The following INTS9 variants were observed in gnomAD, a reference collection of about 807,000 sequenced individuals.
INTS9 encodes integrator complex subunit 9, also known as protein related to CPSF subunits of 74 kDa.
INTS9 carries 55 observed loss-of-function variants against 79.7 expected under a neutral mutation model. The ratio of observed to expected loss-of-function variants is 0.69; its 90% CI spans 0.56 to 0.86. The LOEUF is 0.86. INTS9 is among the 40% of genes least tolerant of loss of function. The pLI is 0.00. For synonymous variants in INTS9, 319 were observed against 325.2 expected (o/e 0.98, Z 0.20); for missense variants, 721 against 831.5 (o/e 0.87, Z 1.64).
intron 14 of INTS9, among the ~76,000 whole-genome samples, chr8:28,775,485 G>A (rs1194101387): frequency 6.6e-6 from 1 of 152,138 alleles, no homozygotes; most frequent in African/African-American, 2.4e-5. Context: ...ACAGATGCGT[G>A]CCACCACACC....
At chr8:28,839,563 A>G (rs1807034011) in intron 4 of INTS9, among the ~76,000 whole-genome samples, 2 of 152,222 alleles carry the variant, frequency 1.3e-5, no homozygotes, top group South Asian at 4.1e-4. Flanking sequence ...ATAGTAACCA[A>G]AACAGCATGG....
chr8:28,871,322 T>C (rs1002629086), intron 1 of INTS9, among the ~76,000 whole-genome samples: 5 of 152,318 alleles, frequency 3.3e-5, no homozygotes, highest in African/African-American at 7.2e-5. Flanking sequence ...CATGATAAAA[T>C]ACTTCTTTGA....
chr8:28,837,850 T>C, intron 4 of INTS9, 74 bp from the exon 5 acceptor site: 1 of 1,414,096 alleles, frequency 7.1e-7, no homozygotes, highest in East Asian at 2.4e-5. Flanking sequence ...AAAACGACGT[T>C]GTCAGAATGC....
chr8:28,786,624 A>G (rs1008884388), intron 11 of INTS9, among the ~76,000 whole-genome samples: 1 of 152,178 alleles, frequency 6.6e-6, no homozygotes, highest in Non-Finnish European at 1.5e-5. Flanking sequence ...GTCTTTTGGT[A>G]ACATCTCTAT....
chr8:28,882,639 C>A (rs1809957102), intron 1 of INTS9, among the ~76,000 whole-genome samples: 1 of 150,996 alleles, frequency 6.6e-6, no homozygotes, highest in African/African-American at 2.4e-5. Context: ...TGCAAGACAT[C>A]TTATTATACA....
chr8:28,802,584 GGA>G (rs1804582488), intron 8 of INTS9, among the ~76,000 whole-genome samples: 1 of 152,170 alleles, frequency 6.6e-6, no homozygotes, highest in African/African-American at 2.4e-5. Flanking sequence ...TGTTGGTGCT[GGA>G]GAGTCTTCAA....
At chr8:28,879,844 T>C (rs1207896547) in intron 1 of INTS9, among the ~76,000 whole-genome samples, 1 of 152,132 alleles carries the variant, frequency 6.6e-6, no homozygotes, top group Admixed American at 6.5e-5. Context: ...TGAGTTAATT[T>C]ACATAAAATG....
At chr8:28,888,246 T>C (rs752997985) in intron 1 of INTS9, among the ~76,000 whole-genome samples, 1 of 152,164 alleles carries the variant, frequency 6.6e-6, no homozygotes. Flanking sequence ...TATTTCACCA[T>C]GAACACAGTG....
intron 4 of INTS9, among the ~76,000 whole-genome samples, chr8:28,841,516 A>G (rs945709588): frequency 2.0e-5 from 3 of 152,204 alleles, no homozygotes; most frequent in African/African-American, 7.2e-5. Context: ...CTGTTGGTAT[A>G]TATCAAGAGT....
chr8:28,878,318 G>A (rs1156229665), intron 1 of INTS9, among the ~76,000 whole-genome samples: 1 of 151,928 alleles, frequency 6.6e-6, no homozygotes, highest in Non-Finnish European at 1.5e-5. Context: ...TCATTTAACT[G>A]TTTTTGTTTT....
At chr8:28,843,889 G>A (rs1807341184) in intron 4 of INTS9, among the ~76,000 whole-genome samples, 1 of 151,938 alleles carries the variant, frequency 6.6e-6, no homozygotes, top group Non-Finnish European at 1.5e-5. Flanking sequence ...TTGCTTCTTG[G>A]GAGCACTTCA....
intron 2 of INTS9, among the ~76,000 whole-genome samples, chr8:28,857,749 G>C (rs1808252838): frequency 6.6e-6 from 1 of 152,150 alleles, no homozygotes; most frequent in South Asian, 2.1e-4. Context: ...GGGATACAAT[G>C]GAGAACCAAA....
chr8:28,858,420 A>C (rs937314919), intron 2 of INTS9, among the ~76,000 whole-genome samples: 2 of 152,202 alleles, frequency 1.3e-5, no homozygotes, highest in Non-Finnish European at 2.9e-5. Flanking sequence ...CAATAATATC[A>C]GGCCATTTTA....
At chr8:28,797,547 T>C (rs1446954521) in intron 8 of INTS9, among the ~76,000 whole-genome samples, 1 of 152,236 alleles carries the variant, frequency 6.6e-6, no homozygotes, top group African/African-American at 2.4e-5. Context: ...CACTACTATG[T>C]GATTCTTAGG....
At chr8:28,773,652 TG>T (rs1417000621) in intron 14 of INTS9, among the ~76,000 whole-genome samples, 1 of 149,974 alleles carries the variant, frequency 6.7e-6, no homozygotes, top group Non-Finnish European at 1.5e-5. Flanking sequence ...CCCGAGTAGC[TG>T]CGATTACAGG....
chr8:28,837,967 G>A (rs1023094310), intron 4 of INTS9, among the ~76,000 whole-genome samples, 191 bp from the exon 5 acceptor site: 6 of 151,998 alleles, frequency 3.9e-5, no homozygotes, highest in African/African-American at 9.7e-5. Context: ...AGGACAGGAC[G>A]GCCAGCAGTG....
At chr8:28,807,161 T>C (rs1413921034) in intron 8 of INTS9, among the ~76,000 whole-genome samples, 1 of 152,144 alleles carries the variant, frequency 6.6e-6, no homozygotes, top group East Asian at 1.9e-4. Flanking sequence ...AAGAGGATTA[T>C]AAATAGCTCT....
intron 8 of INTS9, among the ~76,000 whole-genome samples, chr8:28,808,677 T>C (rs1804945715): frequency 6.6e-6 from 1 of 152,244 alleles, no homozygotes; most frequent in Admixed American, 6.5e-5. Context: ...CCATTCTCAA[T>C]GTCATGCAGA....
chr8:28,880,198 T>A (rs910111067), intron 1 of INTS9, among the ~76,000 whole-genome samples: 1 of 152,116 alleles, frequency 6.6e-6, no homozygotes, highest in Non-Finnish European at 1.5e-5. Flanking sequence ...TGCCTTTATT[T>A]TAATGGCATA....
Sources: gnomAD v4.1 joint callset for allele counts (sites outside exome capture counted in the v4.1 genomes callset) on GRCh38, gnomAD v4.1.1 for gene constraint, MANE v1.5 for transcripts, NCBI Gene and HGNC (gene_info 2026-07-23, HGNC 2026-07-21) for gene names.